ERCC6L2: variants seen among roughly 807,000 people sequenced by gnomAD.
ERCC6L2 encodes the protein DNA excision repair protein ERCC-6-like 2.
ERCC6L2 carries 77 observed loss-of-function variants against 132.0 expected under a neutral mutation model. That is an observed-to-expected ratio of 0.58 (90% CI 0.49 to 0.71). ERCC6L2 has a LOEUF of 0.71. Ranked by LOEUF, ERCC6L2 falls within the 30% of genes least tolerant of loss-of-function variation. ERCC6L2 has a pLI of 0.00. For synonymous variants in ERCC6L2, 583 were observed against 632.4 expected (o/e 0.92, Z 1.17); for missense variants, 1,542 against 1,837.6 (o/e 0.84, Z 2.94).
rs1345729613 is a variant in ERCC6L2 at position 95,921,059 on chromosome 9, G to A, written c.1159-116G>A. The stretch of plus-strand genomic sequence containing the variant: ...CAAAGTATTGGGATTACAGGCGTGA[G>A]CCTCTGCGCCCGGCCAGTTTTCACT... On this transcript the variant is annotated intron_variant, in intron 6 of 18. Coordinates refer to ENST00000653738, the MANE Select transcript of ERCC6L2 (RefSeq NM_020207.7). The A allele has an allele frequency of 4.1e-6, 4 of 964,402 alleles. No individual in the cohort carries two copies. In the Admixed American group the frequency reaches 1.2e-4, roughly 30 times the overall value. 59.7% of individuals were successfully genotyped at this position (964,402 alleles called of 1,614,324 possible).
intron 10 of ERCC6L2, 105 bp downstream of exon 10, chr9:95,928,255 T>C (rs578196026): frequency 7.2e-6 from 5 of 696,246 alleles, no homozygotes; most frequent in Admixed American, 5.6e-5. Context: ...TTTTCTCTTA[T>C]CTACACAGTA....
intron 13 of ERCC6L2, among the ~76,000 whole-genome samples, chr9:95,964,076 C>T (rs779680286): frequency 6.6e-6 from 1 of 152,128 alleles, no homozygotes; most frequent in Non-Finnish European, 1.5e-5. Context: ...CCTTAGTGTT[C>T]ATTCGTGATT....
Position 95,907,187 on chromosome 9 carries a change from A to C in ERCC6L2, c.704A>C (p.Glu235Ala). ...TTACATGGAAACAGAAAAGATAATG[A>C]ATTAATTCGTGTAAAGCAGAGGAAA... ...TVLHGNRKDNELIRVKQRKCE... is the reference protein window; with the variant it reads ...TVLHGNRKDNALIRVKQRKCE... Residue 235 changes from glutamate (E) to alanine (A), a missense_variant, in exon 4 of 19, where the codon GAA becomes GCA. Glu to Ala is a moderately radical substitution (Grantham distance 107). Coordinates refer to ENST00000653738, the MANE Select transcript of ERCC6L2 (RefSeq NM_020207.7). 1 of 1,613,616 alleles carries C rather than the reference A, an allele frequency of 6.2e-7. No homozygotes were observed. The highest frequency in any genetic ancestry group is 8.5e-7 in the Non-Finnish European group (1 of 1,179,786).
chr9:95,890,947 G>GT (rs1477360612), intron 2 of ERCC6L2, among the ~76,000 whole-genome samples: 1 of 152,170 alleles, frequency 6.6e-6, no homozygotes, highest in African/African-American at 2.4e-5. Flanking sequence ...AATAGCTACT[G>GT]TTTGCCTGTA....
chr9:96,018,055 A>AGTAGAATGGTGGT lies in ERCC6L2; in HGVS notation c.*4853_*4865dup, dbSNP rs1834218667. Among the ~76,000 whole-genome samples, 1 of 152,160 alleles carries AGTAGAATGGTGGT rather than the reference A, an allele frequency of 6.6e-6. No homozygotes were observed. The highest frequency in any genetic ancestry group is 2.4e-5 in the African/African-American group (1 of 41,428). On this transcript the variant is annotated 3_prime_UTR_variant, in exon 19 of 19. Transcript: ENST00000653738. ...AGATTAGTCAGATTCATAGAGACAA[A>AGTAGAATGGTGGT]GTAGAATGGTGGTTGCTAGACGCTG... is the stretch of plus-strand genomic sequence containing the variant.
intron 11 of ERCC6L2, among the ~76,000 whole-genome samples, chr9:95,930,925 G>A (rs1450052824): frequency 6.6e-6 from 1 of 151,912 alleles, no homozygotes; most frequent in Non-Finnish European, 1.5e-5. Flanking sequence ...CTTTGTCAAG[G>A]GTATTAATGT....
rs1216695330 is a variant in ERCC6L2 at position 95,972,999 on chromosome 9, G to A, written c.3248G>A (p.Ser1083Asn). The A allele has an allele frequency of 5.9e-6, 8 of 1,356,836 alleles. No homozygotes were observed. Among genetic ancestry groups the A allele is most frequent in the Non-Finnish European group, 7.9e-6 (8 of 1,016,622 alleles). 84.0% of individuals were successfully genotyped at this position (1,356,836 alleles called of 1,614,324 possible). Residue 1083 changes from serine to asparagine, a missense_variant, in exon 16 of 19, where the codon AGC becomes AAC. Physicochemically the swap from Ser to Asn is conservative, Grantham distance 46. Coordinates refer to ENST00000653738, the MANE Select transcript of ERCC6L2 (RefSeq NM_020207.7). Reference sequence around the variant, plus strand: ...TTGCCTAGCCATAATAAGAAAAATAGCACTTTTATTCCAAGAAAACCAATG... The same window carrying A: ...TTGCCTAGCCATAATAAGAAAAATAACACTTTTATTCCAAGAAAACCAATG... ...SKLPSHNKKN[S>N]TFIPRKPMKC...
At chr9:95,940,818 A>G (rs1830764334) in intron 11 of ERCC6L2, among the ~76,000 whole-genome samples, 1 of 151,260 alleles carries the variant, frequency 6.6e-6, no homozygotes, top group Non-Finnish European at 1.5e-5. Context: ...ATCCTTGCCA[A>G]TTTTCTCTCC....
chr9:96,033,233 C>G (rs567273189), intron 19 of ERCC6L2, among the ~76,000 whole-genome samples: 1 of 148,782 alleles, frequency 6.7e-6, no homozygotes, highest in Non-Finnish European at 1.5e-5. Flanking sequence ...TGCAGGAAAC[C>G]ATAAATGATT....
chr9:95,972,086 A>T lies in ERCC6L2; in HGVS notation c.2335A>T (p.Ser779Cys). ...KTAKNKAPDS[S>C]KASSSPGQLT... ...TGCCAAAAACAAAGCACCCGATTCA[A>T]GTAAAGCTTCCAGCTCTCCAGGACA... The change falls in exon 16 of 19, where the codon AGT becomes TGT. Residue 779 changes from serine to cysteine, a missense_variant. Ser to Cys is a moderately radical substitution (Grantham distance 112). This residue lies in a region of ERCC6L2 where 945 missense variants were observed against 1,105.2 expected (regional missense o/e 0.86). Coordinates refer to ENST00000653738, the MANE Select transcript of ERCC6L2 (RefSeq NM_020207.7). The T allele has an allele frequency of 7.7e-7, 1 of 1,304,306 alleles. No homozygotes were observed. The highest frequency in any genetic ancestry group is 1.0e-6 in the Non-Finnish European group (1 of 988,960). 80.8% of individuals were successfully genotyped at this position (1,304,306 alleles called of 1,614,324 possible).
chr9:95,915,290 A>G (rs541123599), intron 4 of ERCC6L2, among the ~76,000 whole-genome samples: 3 of 152,282 alleles, frequency 2.0e-5, no homozygotes, highest in South Asian at 2.1e-4. Flanking sequence ...TTTAAAAATC[A>G]TGAGTTTATA....
chr9:96,004,488 G>C, intron 17 of ERCC6L2, 32 bp from the exon 18 acceptor site: 1 of 1,230,524 alleles, frequency 8.1e-7, no homozygotes, highest in Non-Finnish European at 1.1e-6. Context: ...TATTTTTTCA[G>C]ACATAGCTTT....
intron 19 of ERCC6L2, among the ~76,000 whole-genome samples, chr9:96,038,476 C>T (rs1834544352): frequency 1.3e-5 from 2 of 152,200 alleles, no homozygotes; most frequent in African/African-American, 4.8e-5. Context: ...GTAGGAGTCA[C>T]CTGGGCCTGA....
At position 96,015,070 on chromosome 9, in the gene ERCC6L2, T is replaced by C. The variant is rs867958635; in HGVS notation, c.*1867T>C. 3.3e-5 allele frequency among the ~76,000 whole-genome samples: 4 copies of C among 123,024 alleles called. No individual in the cohort carries two copies. The highest frequency in any genetic ancestry group is 5.7e-3 in the Middle Eastern group (1 of 176). 80.7% of individuals were successfully genotyped at this position (123,024 alleles called of 152,430 possible). A position where few individuals can be genotyped will look rare whatever the true frequency, so the allele number is the denominator to read the frequency against. On this transcript the variant is annotated 3_prime_UTR_variant, in exon 19 of 19. Coordinates refer to ENST00000653738, the MANE Select transcript of ERCC6L2 (RefSeq NM_020207.7). Reference sequence around the variant, plus strand: ...TTGAGTCTCACTCTGTCACCCAGGCTGGAGTACAGTGGCATGATCTTGGCT... The same window carrying C: ...TTGAGTCTCACTCTGTCACCCAGGCCGGAGTACAGTGGCATGATCTTGGCT...
At chr9:95,987,335 C>T (rs1360873108) in intron 17 of ERCC6L2, among the ~76,000 whole-genome samples, 1 of 152,188 alleles carries the variant, frequency 6.6e-6, no homozygotes, top group East Asian at 1.9e-4. Context: ...TCCTTTCTGC[C>T]TATGAGCCTG....
chr9:95,932,684 A>G (rs937309037), intron 11 of ERCC6L2, among the ~76,000 whole-genome samples: 6 of 152,190 alleles, frequency 3.9e-5, no homozygotes, highest in Non-Finnish European at 7.4e-5. Flanking sequence ...ACCTTTTATA[A>G]TACTTAATAC....
intron 13 of ERCC6L2, among the ~76,000 whole-genome samples, chr9:95,964,392 A>G (rs1564268178): frequency 6.6e-6 from 1 of 152,142 alleles, no homozygotes; most frequent in Non-Finnish European, 1.5e-5. Context: ...AGGCTGAATA[A>G]TAGTCTCCCA....
At chr9:95,899,627 TGTGTGC>T (rs751445943) in intron 3 of ERCC6L2, among the ~76,000 whole-genome samples, 13,097 of 149,594 alleles carry the variant, frequency 0.088, 679 homozygotes, top group East Asian at 0.11. Context: ...TGTGTGTGTG[TGTGTGC>T]GTATGTATGC....
chr9:95,908,389 A>G (rs559308268), intron 4 of ERCC6L2, among the ~76,000 whole-genome samples: 1 of 152,322 alleles, frequency 6.6e-6, no homozygotes, highest in South Asian at 2.1e-4. Flanking sequence ...AGGACACAGC[A>G]AGAAGGCAGT....
Sources: allele counts gnomAD v4.1 joint callset (sites outside exome capture counted in the v4.1 genomes callset), GRCh38; gene constraint gnomAD v4.1.1; regional missense constraint gnomAD v4.1.1; transcripts MANE v1.5; gene names NCBI Gene and HGNC (gene_info 2026-07-23, HGNC 2026-07-21).